The following URI1 variants were observed in gnomAD, a reference collection of about 807,000 sequenced individuals.
The protein encoded by URI1 is unconventional prefoldin RPB5 interactor 1.
Under a neutral mutation model 60.2 loss-of-function variants are expected in URI1, and 39 were observed. The observed-to-expected ratio is 0.65, with a 90% confidence interval of 0.50 to 0.85. The LOEUF (loss-of-function observed/expected upper bound fraction) is 0.85, where lower values mean the gene tolerates loss of function less well. Among genes scored for constraint, URI1 ranks in the 40% least tolerant of loss-of-function variants. URI1 has a pLI of 0.00. For synonymous variants in URI1, 251 were observed against 236.8 expected (o/e 1.06, Z -0.55); for missense variants, 691 against 665.9 (o/e 1.04, Z -0.42).
At position 30,002,339 on chromosome 19, in the gene URI1, A is replaced by T. The variant is rs114065367; in HGVS notation, c.368-3022A>T. The stretch of plus-strand genomic sequence containing the variant: ...TATCTTTAGGTGAAAATGACTGCTT[A>T]AGTTCTTATGAGGTTTTAAATTTTC... On this transcript the variant is annotated intron_variant, in intron 4 of 10. Transcript: ENST00000392271. 3.4e-3 allele frequency among the ~76,000 whole-genome samples: 513 copies of T among 152,144 alleles called. 5 individuals are homozygous for T. Among genetic ancestry groups the T allele is most frequent in the African/African-American group, 0.012 (498 of 41,562 alleles).
At chr19:30,002,100 A>G (rs556461764) in intron 4 of URI1, among the ~76,000 whole-genome samples, 4 of 152,152 alleles carry the variant, frequency 2.6e-5, no homozygotes, top group Non-Finnish European at 5.9e-5. Context: ...AGAGAATTGC[A>G]TATTTACAGG....
rs754863175 is a variant in URI1, at chr19:29,942,618, C to T, written c.71C>T (p.Pro24Leu). The T allele has an allele frequency of 4.1e-6, 6 of 1,473,594 alleles. No homozygotes were observed. The highest frequency in any genetic ancestry group is 2.8e-5 in the East Asian group (1 of 36,156). The allele number at this position is 1,473,594 out of a possible 1,614,324, so 91.3% of individuals were successfully genotyped here. Residue 24 changes from proline (P) to leucine (L), a missense_variant, in exon 1 of 11, where the codon CCG (proline) becomes CTG (leucine). Coordinates refer to ENST00000392271, the MANE Select transcript of URI1 (RefSeq NM_003796.3). Reference protein sequence around the residue: ...PPSAPAPALVPLRAPDVARLR... With the variant: ...PPSAPAPALVLLRAPDVARLR... ...TCGGCCCCGGCCCCTGCCCTGGTTCCGTTGCGCGCCCCGGATGTGGCGCGG... is the reference window on the plus strand; with the variant it reads ...TCGGCCCCGGCCCCTGCCCTGGTTCTGTTGCGCGCCCCGGATGTGGCGCGG...
chr19:29,933,191 G>A (rs937914872), intron 1 of URI1, among the ~76,000 whole-genome samples: 8 of 152,158 alleles, frequency 5.3e-5, no homozygotes, highest in Non-Finnish European at 1.2e-4. Context: ...GTTTGAGAAG[G>A]ATTTGTGTTA....
At chr19:29,965,793 A>C (rs970158947) in intron 1 of URI1, among the ~76,000 whole-genome samples, 2 of 152,086 alleles carry the variant, frequency 1.3e-5, no homozygotes, top group Admixed American at 1.3e-4. Context: ...TTACTGAAAG[A>C]AAAAAAGAGC....
At chr19:29,942,189 C>CG (rs1238351129), upstream of URI1, 21 of 980,772 alleles carry the variant, frequency 2.1e-5, no homozygotes, top group South Asian at 3.3e-4. Context: ...CTGGGCGTGT[C>CG]GGGGGCGGGG....
intron 1 of URI1, among the ~76,000 whole-genome samples, chr19:29,951,259 G>GTACTTGA (rs2055176378): frequency 6.6e-6 from 1 of 152,186 alleles, no homozygotes; most frequent in South Asian, 2.1e-4. Context: ...AAATGGTATA[G>GTACTTGA]TACTTGAAGA....
chr19:29,964,452 G>GTT (rs1380907956), intron 1 of URI1, among the ~76,000 whole-genome samples: 13 of 137,292 alleles, frequency 9.5e-5, no homozygotes, highest in African/African-American at 3.3e-4. Flanking sequence ...TTTTGTTTTT[G>GTT]TTTTTTGTTT....
At chr19:29,999,161 C>T (rs1290438276) in intron 4 of URI1, among the ~76,000 whole-genome samples, 1 of 151,860 alleles carries the variant, frequency 6.6e-6, no homozygotes, top group African/African-American at 2.4e-5. Context: ...TATAGATGTC[C>T]AGTGATGTGT....
At chr19:29,931,768 T>C (rs1215984083) in intron 1 of URI1, among the ~76,000 whole-genome samples, 2 of 152,212 alleles carry the variant, frequency 1.3e-5, no homozygotes, top group East Asian at 1.9e-4. Flanking sequence ...TTGATGTTAC[T>C]GTACATGGAA....
intron 1 of URI1, among the ~76,000 whole-genome samples, chr19:29,931,725 CCTT>C (rs1897046741): frequency 6.6e-6 from 1 of 152,054 alleles, no homozygotes; most frequent in Non-Finnish European, 1.5e-5. Flanking sequence ...ACTTGCTCCT[CCTT>C]GGTTAATTTT....
At position 29,990,626 on chromosome 19, in the gene URI1, A is replaced by G. The variant is rs557940218; in HGVS notation, c.367+4209A>G. ...AAAGAAACCAGTCACAAAAGACCATATATTGTATGATTCCATTTACATGAA... is the reference window on the plus strand; with the variant it reads ...AAAGAAACCAGTCACAAAAGACCATGTATTGTATGATTCCATTTACATGAA... On this transcript the variant is annotated intron_variant, in intron 4 of 10. Transcript: ENST00000392271. Among the ~76,000 whole-genome samples, 15 of 152,332 alleles carry G rather than the reference A, an allele frequency of 9.8e-5. No homozygotes were observed. In the South Asian group the frequency reaches 3.1e-3, roughly 32 times the overall value.
intron 1 of URI1, among the ~76,000 whole-genome samples, chr19:29,969,044 A>G (rs932548796): frequency 5.9e-5 from 9 of 152,186 alleles, no homozygotes; most frequent in African/African-American, 1.4e-4. Context: ...GCTAGTCTAT[A>G]TATTTTTATA....
intron 4 of URI1, among the ~76,000 whole-genome samples, chr19:29,989,508 C>T (rs547399137): frequency 2.0e-5 from 3 of 151,980 alleles, no homozygotes; most frequent in Admixed American, 2.0e-4. Context: ...ATCGCAACCT[C>T]CGCCTCCCGG....
chr19:29,942,757 T>G (rs1355059588), intron 1 of URI1, 93 bp downstream of exon 1: 1 of 1,254,870 alleles, frequency 8.0e-7, no homozygotes. Context: ...TAGGCCCAGC[T>G]GCCCGGGCCC....
At chr19:29,957,120 A>G in intron 1 of URI1, 1 of 434,778 alleles carries the variant, frequency 2.3e-6, no homozygotes, top group South Asian at 2.4e-5. Context: ...CGTAAAAGAA[A>G]TACAATTTAT....
intron 1 of URI1, among the ~76,000 whole-genome samples, chr19:29,962,946 A>G (rs1349067674): frequency 1.3e-5 from 2 of 151,940 alleles, no homozygotes; most frequent in Non-Finnish European, 2.9e-5. Context: ...ACTTTCTGTC[A>G]TTGATGTTGA....
Position 30,005,649 on chromosome 19 carries a change from A to G in URI1, c.460-2A>G. The G allele has an allele frequency of 6.2e-7, 1 of 1,607,500 alleles. No homozygotes were observed. Among genetic ancestry groups the G allele is most frequent in the Non-Finnish European group, 8.5e-7 (1 of 1,177,898 alleles). ...TACGCTTTTTTTTTGTTTAAAAACCAGGCTGCAGGTGATATTGTTGACATA... is the reference window on the plus strand; with the variant it reads ...TACGCTTTTTTTTTGTTTAAAAACCGGGCTGCAGGTGATATTGTTGACATA... On this transcript the variant is annotated splice_acceptor_variant, in intron 5 of 10. Coordinates refer to ENST00000392271, the MANE Select transcript of URI1 (RefSeq NM_003796.3). LOFTEE classifies it high-confidence loss of function.
upstream of URI1, among the ~76,000 whole-genome samples, chr19:29,937,467 G>A (rs1268405217): frequency 6.6e-6 from 1 of 152,066 alleles, no homozygotes. Flanking sequence ...GGCATTTTGG[G>A]TATTATTGTA....
chr19:29,973,720 T>C (rs2055487592), intron 2 of URI1, among the ~76,000 whole-genome samples: 1 of 152,034 alleles, frequency 6.6e-6, no homozygotes, highest in South Asian at 2.1e-4. Flanking sequence ...TTTGAGAAAA[T>C]TAATTTAAAT....
Sources: gnomAD v4.1 joint callset for allele counts (sites outside exome capture counted in the v4.1 genomes callset) on GRCh38, gnomAD v4.1.1 for gene constraint, MANE v1.5 for transcripts, NCBI Gene and HGNC (gene_info 2026-07-23, HGNC 2026-07-21) for gene names.